The following SYNPR variants were observed in gnomAD, a reference collection of about 807,000 sequenced individuals.
SYNPR encodes synaptoporin.
Under a neutral mutation model 32.9 loss-of-function variants are expected in SYNPR, and 23 were observed. The observed-to-expected ratio is 0.70, with a 90% CI of 0.50 to 0.99. The LOEUF is 0.99. Among genes scored for constraint, SYNPR ranks in the 50% least tolerant of loss-of-function variants. The pLI is 0.00. For missense variants in SYNPR, 318 were observed against 349.3 expected (o/e 0.91, Z 0.71); for synonymous variants, 146 against 135.9 (o/e 1.07, Z -0.52).
chr3:63,246,004 T>C (rs1013776604), intron 1 of SYNPR, among the ~76,000 whole-genome samples: 1 of 151,956 alleles, frequency 6.6e-6, no homozygotes. Context: ...TGGGAATAAG[T>C]GTTTGGCTTA....
At chr3:63,342,347 A>G (rs915511662) in intron 2 of SYNPR, among the ~76,000 whole-genome samples, 4 of 152,092 alleles carry the variant, frequency 2.6e-5, no homozygotes, top group Non-Finnish European at 5.9e-5. Context: ...GATTTTGTCT[A>G]ATATTTTCTC....
At position 63,243,824 on chromosome 3, in the gene SYNPR, G is replaced by GT. The variant is rs148886048; in HGVS notation, n.67-8669dup. On this transcript the variant is annotated intron_variant and non_coding_transcript_variant, in intron 1 of 4. Coordinates refer to the SYNPR transcript ENST00000478456. ...TATGTTTTTAACCAATTTTTCTTTT[G>GT]TTTTTTACTGCCCACCCAGATTGAG... Among the ~76,000 whole-genome samples, 239 of 151,874 alleles carry GT rather than the reference G, an allele frequency of 1.6e-3. 1 individual carries two copies. In the East Asian group the frequency reaches 0.04, roughly 26 times the overall value.
intron 3 of SYNPR, among the ~76,000 whole-genome samples, chr3:63,526,513 T>G (rs1475133194): frequency 2.0e-5 from 3 of 152,234 alleles, no homozygotes; most frequent in Non-Finnish European, 4.4e-5. Context: ...GTTCAATGAA[T>G]GAATTTAATA....
At chr3:63,586,571 T>C (rs113533521) in intron 4 of SYNPR, among the ~76,000 whole-genome samples, 1 of 151,982 alleles carries the variant, frequency 6.6e-6, no homozygotes, top group African/African-American at 2.4e-5. Context: ...TTAAGAAACA[T>C]GCCGATATTT....
chr3:63,429,201 C>T (rs561943391), intron 2 of SYNPR, among the ~76,000 whole-genome samples: 1 of 152,256 alleles, frequency 6.6e-6, no homozygotes, highest in South Asian at 2.1e-4. Context: ...GGAGCCAGAG[C>T]AAGCATAAGA....
chr3:63,425,810 T>G (rs1396991571), intron 2 of SYNPR, among the ~76,000 whole-genome samples: 1 of 150,860 alleles, frequency 6.6e-6, no homozygotes, highest in East Asian at 1.9e-4. Flanking sequence ...TAAGATGAAG[T>G]CTTACTCTGT....
intron 3 of SYNPR, among the ~76,000 whole-genome samples, chr3:63,519,706 T>C (rs1490830003): frequency 6.6e-6 from 1 of 152,216 alleles, no homozygotes; most frequent in Non-Finnish European, 1.5e-5. Flanking sequence ...GTATTTTACA[T>C]CTATTCCCCA....
rs114774895 is a variant in SYNPR at position 63,573,787 on chromosome 3, T to C, written c.408+17046T>C. Among the ~76,000 whole-genome samples the C allele has an allele frequency of 4.9e-3, 752 of 152,276 alleles. 5 individuals carry two copies. The highest frequency in any genetic ancestry group is 8.1e-3 in the Non-Finnish European group (554 of 68,028). ...AGGATGTGTGAAAGGAATGTGTGGG[T>C]TGTGTTGTGAATTTTCTTGTCATCA... On this transcript the variant is annotated intron_variant, in intron 4 of 5. Transcript: ENST00000478300.
chr3:63,219,779 G>A, the SYNPR span, among the ~76,000 whole-genome samples: 1 of 152,092 alleles, frequency 6.6e-6, no homozygotes, highest in Non-Finnish European at 1.5e-5. Context: ...TTGTCTTCAC[G>A]TTGAGTAGAC....
intron 2 of SYNPR, among the ~76,000 whole-genome samples, chr3:63,260,600 T>C (rs1436066945): frequency 2.6e-5 from 4 of 152,056 alleles, no homozygotes; most frequent in Non-Finnish European, 4.4e-5. Flanking sequence ...AAATGTTAGA[T>C]CTAAAACCAT....
At chr3:63,599,561 A>T (rs1392545753) in intron 4 of SYNPR, among the ~76,000 whole-genome samples, 1 of 152,188 alleles carries the variant, frequency 6.6e-6, no homozygotes, top group African/African-American at 2.4e-5. Flanking sequence ...GGTAGGCTAG[A>T]CCATCTAGAT....
intron 3 of SYNPR, among the ~76,000 whole-genome samples, chr3:63,527,511 T>C (rs1702035509): frequency 6.6e-6 from 1 of 152,156 alleles, no homozygotes; most frequent in East Asian, 1.9e-4. Flanking sequence ...ATGGTGACAT[T>C]GCTTTGCCAG....
At chr3:63,599,401 T>C (rs570868570) in intron 4 of SYNPR, among the ~76,000 whole-genome samples, 3 of 152,312 alleles carry the variant, frequency 2.0e-5, no homozygotes, top group Admixed American at 2.0e-4. Context: ...ATACTATATT[T>C]TTACTGTACC....
intron 4 of SYNPR, among the ~76,000 whole-genome samples, chr3:63,572,021 C>T (rs1702896173): frequency 6.6e-6 from 1 of 152,190 alleles, no homozygotes; most frequent in Non-Finnish European, 1.5e-5. Flanking sequence ...GGAATGAACT[C>T]CAAGCTCCAA....
chr3:63,219,348 A>C, the SYNPR span, among the ~76,000 whole-genome samples: 1 of 152,216 alleles, frequency 6.6e-6, no homozygotes, highest in Non-Finnish European at 1.5e-5. Flanking sequence ...GGAGGACACT[A>C]CTATGTAGCA....
intron 3 of SYNPR, among the ~76,000 whole-genome samples, chr3:63,519,499 C>T (rs2089090187): frequency 6.6e-6 from 1 of 152,184 alleles, no homozygotes; most frequent in African/African-American, 2.4e-5. Context: ...CATAGCTGTG[C>T]TCCTTGTTGC....
chr3:63,576,809 GAAAGAA>G (rs1191732634), intron 4 of SYNPR, among the ~76,000 whole-genome samples: 9 of 150,084 alleles, frequency 6.0e-5, no homozygotes, highest in East Asian at 2.0e-4. Flanking sequence ...AAAAAAGAAA[GAAAGAA>G]AAAGAAAAAG....
chr3:63,254,236 TG>T (rs1187247154), intron 2 of SYNPR, among the ~76,000 whole-genome samples: 1 of 152,076 alleles, frequency 6.6e-6, no homozygotes, highest in Non-Finnish European at 1.5e-5. Context: ...AGATAATGGG[TG>T]CAGCACAACA....
intron 1 of SYNPR, among the ~76,000 whole-genome samples, chr3:63,237,081 G>T (rs6445328): frequency 3.9e-5 from 6 of 151,908 alleles, no homozygotes; most frequent in African/African-American, 1.5e-4. Flanking sequence ...AGGTTTTTGG[G>T]GTTTATTATA....
Sources: allele counts gnomAD v4.1 joint callset (sites outside exome capture counted in the v4.1 genomes callset), GRCh38; gene constraint gnomAD v4.1.1; transcripts MANE v1.5; gene names NCBI Gene and HGNC (gene_info 2026-07-23, HGNC 2026-07-21).